The following ATXN7L1 variants were observed in gnomAD, a reference collection of about 807,000 sequenced individuals.
ATXN7L1 encodes the protein ataxin-7-like protein 1.
ATXN7L1 carries 15 observed loss-of-function variants against 70.8 expected under a neutral mutation model. That is an observed-to-expected ratio of 0.21 (90% CI 0.14 to 0.33). The LOEUF (loss-of-function observed/expected upper bound fraction) is 0.33. Ranked by LOEUF, ATXN7L1 falls within the 10% of genes least tolerant of loss-of-function variation. The pLI is 1.00. For missense variants in ATXN7L1, 975 were observed against 1,097.1 expected, an observed-to-expected ratio of 0.89 and a Z score of 1.57; for synonymous variants, 440 against 445.1, an observed-to-expected ratio of 0.99 and a Z score of 0.14.
intron 2 of ATXN7L1, among the ~76,000 whole-genome samples, chr7:105,868,505 C>T (rs934137947): frequency 5.9e-5 from 9 of 152,112 alleles, no homozygotes; most frequent in Non-Finnish European, 1.2e-4. Context: ...GAGAACATGG[C>T]GACTTCTCAT....
At chr7:105,844,644 G>A (rs1813706440) in intron 2 of ATXN7L1, among the ~76,000 whole-genome samples, 1 of 152,150 alleles carries the variant, frequency 6.6e-6, no homozygotes, top group African/African-American at 2.4e-5. Flanking sequence ...GAGATTTAAT[G>A]CTTTCTCCCC....
intron 3 of ATXN7L1, among the ~76,000 whole-genome samples, chr7:105,751,453 G>A (rs1799202354): frequency 6.6e-6 from 1 of 152,032 alleles, no homozygotes; most frequent in South Asian, 2.1e-4. Context: ...GCAACATGGG[G>A]AAACCCCCGT....
rs147871462 is a variant in ATXN7L1 at position 105,764,609 on chromosome 7, C to G, written c.355+23995G>C. 7.0e-3 allele frequency among the ~76,000 whole-genome samples: 1,071 copies of G among 152,296 alleles called. 3 individuals carry two copies. The highest frequency in any genetic ancestry group is 9.8e-3 in the Non-Finnish European group (667 of 68,032). ...GACTGAATACCCACTATTTGTCAGA[C>G]ATGGTGAACTCTGGGGCAATGTGGA... On this transcript the variant is annotated intron_variant, in intron 3 of 11. Coordinates refer to ENST00000419735, the MANE Select transcript of ATXN7L1 (RefSeq NM_020725.2).
At chr7:105,616,814 C>A (rs1272953552) in intron 9 of ATXN7L1, among the ~76,000 whole-genome samples, 4 of 152,224 alleles carry the variant, frequency 2.6e-5, no homozygotes, top group Non-Finnish European at 5.9e-5. Context: ...GGGGGAGGAA[C>A]CTCCCAACTT....
At chr7:105,622,767 T>G (rs992380271) in intron 8 of ATXN7L1, among the ~76,000 whole-genome samples, 1 of 152,180 alleles carries the variant, frequency 6.6e-6, no homozygotes, top group Admixed American at 6.5e-5. Flanking sequence ...ATAGGAAGAT[T>G]TTCTTTCCTA....
At chr7:105,840,795 C>T (rs924943257) in intron 2 of ATXN7L1, among the ~76,000 whole-genome samples, 3 of 152,234 alleles carry the variant, frequency 2.0e-5, no homozygotes, top group African/African-American at 4.8e-5. Flanking sequence ...GCGGTGAGCA[C>T]ACTCTTCCAG....
At chr7:105,780,025 C>T (rs755884613) in intron 3 of ATXN7L1, among the ~76,000 whole-genome samples, 5 of 152,238 alleles carry the variant, frequency 3.3e-5, no homozygotes, top group East Asian at 1.9e-4. Context: ...GAAGTCTTGG[C>T]GGGATAATTA....
At chr7:105,696,458 G>T (rs1160626811) in intron 3 of ATXN7L1, among the ~76,000 whole-genome samples, 2 of 152,152 alleles carry the variant, frequency 1.3e-5, no homozygotes, top group East Asian at 3.9e-4. Flanking sequence ...TTTGATCATA[G>T]AGCCCCACCC....
intron 6 of ATXN7L1, 60 bp from the exon 7 acceptor site, chr7:105,638,669 C>T (rs1449548139): frequency 1.4e-6 from 2 of 1,469,552 alleles, no homozygotes; most frequent in Non-Finnish European, 1.8e-6. Flanking sequence ...CCTGCTTCCC[C>T]AGGCCCTCCA....
At position 105,641,212 on chromosome 7, in the gene ATXN7L1, C is replaced by CTTT. The variant is rs1330033741; in HGVS notation, c.862+1625_862+1626insAAA. Among the ~76,000 whole-genome samples the CTTT allele has an allele frequency of 3.3e-3, 213 of 63,966 alleles. 5 individuals carry two copies. The highest frequency in any genetic ancestry group is 0.012 in the African/African-American group (199 of 16,460). The allele number at this position is 63,966 out of a possible 152,430, so 42.0% of individuals were successfully genotyped here. A position where few individuals can be genotyped will look rare whatever the true frequency, so the allele number is the denominator to read the frequency against. On this transcript the variant is annotated intron_variant, in intron 5 of 11. Transcript: ENST00000419735. ...CTGCCTTTTCTCTCTCTCTCTCTCT[C>CTTT]TCTTTTTTTTTTTTTTTTTTTTTTT...
intron 2 of ATXN7L1, among the ~76,000 whole-genome samples, chr7:105,833,372 T>C (rs1474650858): frequency 1.3e-5 from 2 of 152,174 alleles, no homozygotes; most frequent in African/African-American, 4.8e-5. Context: ...TGTTAACCCC[T>C]GGAGCCCCTG....
intron 2 of ATXN7L1, among the ~76,000 whole-genome samples, chr7:105,799,802 A>C (rs1419892765): frequency 6.6e-6 from 1 of 151,978 alleles, no homozygotes; most frequent in Admixed American, 6.6e-5. Flanking sequence ...TGTTCAAAGC[A>C]CTCCAGCCAC....
rs1562967568 is a variant in ATXN7L1, at chr7:105,662,065, TCC to T, written c.578+2999_578+3000del. Among the ~76,000 whole-genome samples the T allele has an allele frequency of 4.9e-3, 450 of 92,706 alleles. 6 individuals are homozygous for T. Among genetic ancestry groups the T allele is most frequent in the South Asian group, 0.024 (45 of 1,852 alleles). 60.8% of individuals were successfully genotyped at this position (92,706 alleles called of 152,430 possible). On this transcript the variant is annotated intron_variant, in intron 4 of 11. Coordinates refer to ENST00000419735, the MANE Select transcript of ATXN7L1 (RefSeq NM_020725.2). ...TTCCTTCCTTCCTTCCTTCCTTCCT[TCC>T]TTCCTTCCTTCCTTCTTTCTTTTCT...
At chr7:105,816,188 C>T (rs1319909507) in intron 2 of ATXN7L1, among the ~76,000 whole-genome samples, 1 of 151,906 alleles carries the variant, frequency 6.6e-6, no homozygotes, top group Non-Finnish European at 1.5e-5. Flanking sequence ...AAATCAGGAA[C>T]GCAGTCTAAG....
chr7:105,861,011 C>T (rs1427421027), intron 2 of ATXN7L1, among the ~76,000 whole-genome samples: 1 of 152,096 alleles, frequency 6.6e-6, no homozygotes, highest in Non-Finnish European at 1.5e-5. Context: ...GGAGAAGGTC[C>T]AGGCGGGGTG....
At chr7:105,721,573 C>T (rs1795188692) in intron 3 of ATXN7L1, among the ~76,000 whole-genome samples, 1 of 152,234 alleles carries the variant, frequency 6.6e-6, no homozygotes, top group Non-Finnish European at 1.5e-5. Context: ...TAGTCTCCTC[C>T]CAGGGCTCTG....
intron 3 of ATXN7L1, among the ~76,000 whole-genome samples, chr7:105,734,870 G>C (rs902411822): frequency 1.3e-5 from 2 of 152,102 alleles, no homozygotes; most frequent in Non-Finnish European, 2.9e-5. Flanking sequence ...AAAGGAGCAA[G>C]CAAAGAGAGA....
intron 3 of ATXN7L1, among the ~76,000 whole-genome samples, chr7:105,667,224 A>G (rs1259376096): frequency 6.6e-6 from 1 of 152,216 alleles, no homozygotes; most frequent in Non-Finnish European, 1.5e-5. Context: ...TGGCCAAAGG[A>G]GACCCAGAGA....
intron 3 of ATXN7L1, among the ~76,000 whole-genome samples, chr7:105,759,063 A>G (rs915364940): frequency 3.9e-5 from 6 of 151,950 alleles, no homozygotes; most frequent in African/African-American, 1.5e-4. Context: ...CCCATGTAAC[A>G]CATCACCAAC....
Sources: allele counts gnomAD v4.1 joint callset (sites outside exome capture counted in the v4.1 genomes callset), GRCh38; gene constraint gnomAD v4.1.1; transcripts MANE v1.5; gene names NCBI Gene and HGNC (gene_info 2026-07-23, HGNC 2026-07-21).